FHOD3: variants seen among roughly 807,000 people sequenced by gnomAD.
The protein encoded by FHOD3 is formin homology 2 domain containing 3.
FHOD3 carries 90 observed loss-of-function variants against 173.0 expected under a neutral mutation model. That is an observed-to-expected ratio of 0.52 (90% CI 0.44 to 0.62). The LOEUF (loss-of-function observed/expected upper bound fraction) is 0.62. Ranked by LOEUF, FHOD3 falls within the 20% of genes least tolerant of loss-of-function variation. FHOD3 has a pLI of 0.00. For synonymous variants in FHOD3, 828 were observed against 823.0 expected (o/e 1.01, Z -0.10); for missense variants, 1,945 against 2,034.7 (o/e 0.96, Z 0.85).
chr18:36,575,941 C>A (rs1258816815), intron 5 of FHOD3, among the ~76,000 whole-genome samples: 1 of 152,196 alleles, frequency 6.6e-6, no homozygotes, highest in Non-Finnish European at 1.5e-5. Flanking sequence ...GGGAATTACT[C>A]ATAATATTTA....
Position 36,639,280 on chromosome 18 carries a change from G to A in FHOD3, c.1197-10036G>A, listed in dbSNP as rs559375613. Among the ~76,000 whole-genome samples, 11 of 152,262 alleles carry A rather than the reference G, an allele frequency of 7.2e-5. No individual in the cohort carries two copies. In the East Asian group the frequency reaches 1.9e-3, roughly 27 times the overall value. ...AATATTGGCCGGCGTGGTGGCTCAC[G>A]CCTGTAATCCCAGCACTTTGGGAGG... On this transcript the variant is annotated intron_variant, in intron 10 of 28. Coordinates refer to ENST00000590592, the MANE Select transcript of FHOD3 (RefSeq NM_001281740.3).
rs563022904 is a variant in FHOD3, at chr18:36,568,643, T to G, written c.512-7808T>G. Among the ~76,000 whole-genome samples, 3 of 152,244 alleles carry G rather than the reference T, an allele frequency of 2.0e-5. No homozygotes were observed. The East Asian group carries it at 5.8e-4, about 29-fold the overall frequency. ...CTCAACCAAATGGCACGGCAAGGGCTCTGAAAACTGAACTGATATTAGAGC... is the reference window on the plus strand; with the variant it reads ...CTCAACCAAATGGCACGGCAAGGGCGCTGAAAACTGAACTGATATTAGAGC... On this transcript the variant is annotated intron_variant, in intron 5 of 28. Transcript: ENST00000590592.
intron 1 of FHOD3, among the ~76,000 whole-genome samples, chr18:36,308,128 C>T (rs1158811026): frequency 1.3e-5 from 2 of 152,138 alleles, no homozygotes; most frequent in Non-Finnish European, 2.9e-5. Flanking sequence ...AAAATGAATG[C>T]ATGAATGATT....
At chr18:36,701,482 G>T (rs2039585999) in intron 17 of FHOD3, among the ~76,000 whole-genome samples, 3 of 152,082 alleles carry the variant, frequency 2.0e-5, no homozygotes, top group Admixed American at 1.3e-4. Flanking sequence ...AACTTAATCA[G>T]AAGCGTAATC....
At chr18:36,583,942 C>T (rs1205046310) in intron 6 of FHOD3, among the ~76,000 whole-genome samples, 3 of 152,144 alleles carry the variant, frequency 2.0e-5, no homozygotes, top group African/African-American at 7.2e-5. Context: ...CCTCCTACCT[C>T]AGCCTCCTGA....
intron 27 of FHOD3, among the ~76,000 whole-genome samples, chr18:36,765,496 T>G (rs2043102923): frequency 6.6e-6 from 1 of 152,112 alleles, no homozygotes; most frequent in South Asian, 2.1e-4. Flanking sequence ...AAATAGATAA[T>G]AGCAGCAGAC....
At chr18:36,763,302 C>T (rs913522046) in intron 27 of FHOD3, among the ~76,000 whole-genome samples, 2 of 135,920 alleles carry the variant, frequency 1.5e-5, no homozygotes, top group African/African-American at 2.7e-5. Flanking sequence ...GTATTATACA[C>T]GTTATATACA....
intron 5 of FHOD3, among the ~76,000 whole-genome samples, chr18:36,567,229 A>G (rs1248449085): frequency 6.6e-6 from 1 of 152,214 alleles, no homozygotes; most frequent in Non-Finnish European, 1.5e-5. Flanking sequence ...TTAACAGTTC[A>G]TTGCAGTAAA....
intron 21 of FHOD3, among the ~76,000 whole-genome samples, chr18:36,742,166 G>T (rs1288097376): frequency 2.6e-5 from 4 of 152,134 alleles, no homozygotes; most frequent in Non-Finnish European, 5.9e-5. Context: ...CAGCAGTGAG[G>T]GTGGGGGAGA....
At chr18:36,714,110 AG>A (rs1313143112) in intron 18 of FHOD3, among the ~76,000 whole-genome samples, 1 of 152,252 alleles carries the variant, frequency 6.6e-6, no homozygotes, top group East Asian at 1.9e-4. Context: ...AGAGAAAAGC[AG>A]GAATGGCTAC....
At chr18:36,749,122 CT>C (rs1043971532) in intron 24 of FHOD3, among the ~76,000 whole-genome samples, 2 of 152,116 alleles carry the variant, frequency 1.3e-5, no homozygotes, top group African/African-American at 4.8e-5. Context: ...GTAAAACCTA[CT>C]TTTTGAAACT....
Position 36,652,919 on chromosome 18 carries a change from A to T in FHOD3, c.1636A>T (p.Lys546Ter), listed in dbSNP as rs905572228. 6.5e-7 allele frequency: 1 copy of T among 1,531,496 alleles called. No individual in the cohort carries two copies. Among genetic ancestry groups the T allele is most frequent in the Non-Finnish European group, 8.7e-7 (1 of 1,143,328 alleles). The allele number at this position is 1,531,496 out of a possible 1,614,324, so 94.9% of individuals were successfully genotyped here. A position where few individuals can be genotyped will look rare whatever the true frequency, so the allele number is the denominator to read the frequency against. The part of the protein sequence containing the change: ...STKEKEAESQ[K>*]ENSSSDSFSL... The stretch of plus-strand genomic sequence containing the variant: ...CAAGGAGAAGGAAGCAGAGTCCCAG[A>T]AGGAAAACAGGTAGATTTGCTCACC... Residue 546 changes from lysine to a stop codon, truncating the protein, a stop_gained, in exon 12 of 29, where the codon AAG becomes TAG. Coordinates refer to ENST00000590592, the MANE Select transcript of FHOD3 (RefSeq NM_001281740.3). LOFTEE classifies it high-confidence loss of function.
At chr18:36,665,363 G>A (rs931933559) in intron 14 of FHOD3, among the ~76,000 whole-genome samples, 1 of 152,194 alleles carries the variant, frequency 6.6e-6, no homozygotes, top group African/African-American at 2.4e-5. Context: ...AGTGGCAGAA[G>A]CAGAAGATGA....
chr18:36,640,904 G>A (rs896788590), intron 10 of FHOD3, among the ~76,000 whole-genome samples: 10 of 152,184 alleles, frequency 6.6e-5, no homozygotes, highest in Non-Finnish European at 1.3e-4. Flanking sequence ...AGTTTCATGG[G>A]GTAGCCTGGC....
chr18:36,559,453 A>T (rs1419496447), intron 5 of FHOD3, among the ~76,000 whole-genome samples: 1 of 152,202 alleles, frequency 6.6e-6, no homozygotes, highest in Non-Finnish European at 1.5e-5. Context: ...TTTCTGAATA[A>T]TAGGCTTCAT....
intron 9 of FHOD3, among the ~76,000 whole-genome samples, chr18:36,613,802 T>C (rs536034268): frequency 6.6e-6 from 1 of 152,296 alleles, no homozygotes; most frequent in Non-Finnish European, 1.5e-5. Context: ...GCTTTCCCAG[T>C]AGCTGGGATT....
At chr18:36,727,156 G>A (rs537829934) in intron 19 of FHOD3, among the ~76,000 whole-genome samples, 1 of 152,224 alleles carries the variant, frequency 6.6e-6, no homozygotes, top group South Asian at 2.1e-4. Context: ...AAGGAAGAGT[G>A]GACCACAGTT....
chr18:36,411,436 G>A (rs1045522598), intron 3 of FHOD3, among the ~76,000 whole-genome samples: 7 of 152,082 alleles, frequency 4.6e-5, no homozygotes, highest in African/African-American at 1.7e-4. Context: ...TTTCTTATCT[G>A]TCTATATTTG....
intron 18 of FHOD3, chr18:36,709,820 G>T (rs528221581): frequency 1.2e-5 from 2 of 161,774 alleles, no homozygotes; most frequent in South Asian, 3.7e-4. Context: ...CTTTAAAAAT[G>T]TGTTTACTGA....
Sources: allele counts gnomAD v4.1 joint callset (sites outside exome capture counted in the v4.1 genomes callset), GRCh38; gene constraint gnomAD v4.1.1; transcripts MANE v1.5; gene names NCBI Gene and HGNC (gene_info 2026-07-23, HGNC 2026-07-21).